FADS6: variants seen among roughly 807,000 people sequenced by gnomAD.
FADS6 encodes fatty acid desaturase 6.
A neutral mutation model predicts 31.7 loss-of-function variants in FADS6; 28 were observed. That is an observed-to-expected ratio of 0.88 (90% CI 0.66 to 1.21). The LOEUF (loss-of-function observed/expected upper bound fraction) is 1.21. Ranked by LOEUF, FADS6 falls within the 50% of genes most tolerant of loss-of-function variation. The pLI is 0.00. For synonymous variants in FADS6, 191 were observed against 213.1 expected, an observed-to-expected ratio of 0.90 and a Z score of 0.90; for missense variants, 494 against 504.2, an observed-to-expected ratio of 0.98 and a Z score of 0.19.
In FADS6 at chr17:74,878,407, C is replaced by T. The variant is rs894196807; in HGVS notation, c.1031G>A (p.Arg344His). Residue 344 changes from arginine (R) to histidine (H), a missense_variant, in exon 6 of 6, where the codon CGC (arginine) becomes CAC (histidine). By Grantham distance (29) the Arg-to-His change is conservative. This residue lies in a region of FADS6 where 454 missense variants were observed against 438.5 expected (regional missense o/e 1.04). Coordinates refer to ENST00000612771, the MANE Select transcript of FADS6 (RefSeq NM_178128.6). ...ATAGCGACGGAGAAACAGCTGGAAGCGAGCCAGGTATGAGTCCTCGTTGTA... is the reference window on the plus strand; with the variant it reads ...ATAGCGACGGAGAAACAGCTGGAAGTGAGCCAGGTATGAGTCCTCGTTGTA... ...LPYNEDSYLA[R>H]FQLFLRRYEE... The T allele has an allele frequency of 4.3e-6, 7 of 1,613,888 alleles. No homozygotes were observed. The highest frequency in any genetic ancestry group is 2.7e-5 in the African/African-American group (2 of 74,946).
intron 3 of FADS6, among the ~76,000 whole-genome samples, chr17:74,882,103 T>C (rs2038576623): frequency 6.6e-6 from 1 of 152,092 alleles, no homozygotes; most frequent in African/African-American, 2.4e-5. Flanking sequence ...GCCCAGCTAA[T>C]TTTTTGTATT....
intron 5 of FADS6, chr17:74,879,038 CTTTTT>C (rs35990330): frequency 1.4e-3 from 180 of 129,806 alleles, no homozygotes; most frequent in Middle Eastern, 9.7e-3. Flanking sequence ...CCCTCACCAC[CTTTTT>C]TTTTTTTTTT....
intron 2 of FADS6, among the ~76,000 whole-genome samples, chr17:74,886,750 G>T (rs2038627824): frequency 1.3e-5 from 2 of 152,040 alleles, no homozygotes; most frequent in Non-Finnish European, 2.9e-5. Flanking sequence ...CCTCTCCAGG[G>T]TCCCCATTGG....
chr17:74,888,161 C>CGG (rs1175111727), intron 2 of FADS6, among the ~76,000 whole-genome samples: 5 of 108,764 alleles, frequency 4.6e-5, no homozygotes, highest in Admixed American at 8.3e-5. Context: ...CACACGCGCG[C>CGG]GCGCGCGCGC....
chr17:74,880,682 A>G (rs2038557905), intron 4 of FADS6, among the ~76,000 whole-genome samples: 1 of 152,068 alleles, frequency 6.6e-6, no homozygotes, highest in South Asian at 2.1e-4. Context: ...AACTCGAATG[A>G]TCCTCAGAGC....
chr17:74,889,777 G>A (rs531381689), intron 2 of FADS6, among the ~76,000 whole-genome samples: 42 of 140,538 alleles, frequency 3.0e-4, no homozygotes, highest in Middle Eastern at 4.0e-3. Flanking sequence ...AGGCTGAGGC[G>A]GGAGAATCAC....
intron 1 of FADS6, among the ~76,000 whole-genome samples, chr17:74,892,910 T>C (rs368572197): frequency 1.3e-5 from 2 of 152,228 alleles, no homozygotes; most frequent in South Asian, 4.1e-4. Context: ...CTCCAGTGCG[T>C]GGTCCTGGGC....
chr17:74,882,869 CT>C (rs1303479745), intron 2 of FADS6, 159 bp from the exon 3 acceptor site: 1 of 1,497,762 alleles, frequency 6.7e-7, no homozygotes, highest in Non-Finnish European at 8.9e-7. Context: ...TGACCATCAA[CT>C]CTCAGGTATC....
Position 74,878,307 on chromosome 17 carries a change from G to A in FADS6, c.*24C>T. On this transcript the variant is annotated 3_prime_UTR_variant, in exon 6 of 6. Transcript: ENST00000612771. ...CCAGGGCCAGGCCAGGGAGGGGCAG[G>A]GTGGCTGCACCGGCCCGGCCTCATT... 6.2e-7 allele frequency: 1 copy of A among 1,604,244 alleles called. No individual in the cohort carries two copies. Among genetic ancestry groups the A allele is most frequent in the South Asian group, 1.1e-5 (1 of 89,762 alleles).
At chr17:74,888,784 T>C (rs1230728217) in intron 2 of FADS6, among the ~76,000 whole-genome samples, 1 of 152,156 alleles carries the variant, frequency 6.6e-6, no homozygotes, top group African/African-American at 2.4e-5. Flanking sequence ...AGGAGAGTCC[T>C]TTCAGGAGTT....
intron 2 of FADS6, among the ~76,000 whole-genome samples, chr17:74,886,356 A>C (rs2038623064): frequency 6.9e-6 from 1 of 144,592 alleles, no homozygotes; most frequent in African/African-American, 2.6e-5. Flanking sequence ...GCTACTTGGG[A>C]GGCTGAGGTA....
intron 2 of FADS6, among the ~76,000 whole-genome samples, chr17:74,886,015 G>C (rs973254702): frequency 6.6e-6 from 1 of 152,018 alleles, no homozygotes; most frequent in Non-Finnish European, 1.5e-5. Flanking sequence ...CGAGGCGGGC[G>C]GATCACGAGA....
chr17:74,889,979 G>T (rs2038671043), intron 2 of FADS6, among the ~76,000 whole-genome samples: 1 of 152,036 alleles, frequency 6.6e-6, no homozygotes, highest in African/African-American at 2.4e-5. Flanking sequence ...TACTGGTGGA[G>T]GGTGTCAGGA....
At chr17:74,875,476 G>A (rs181209017), downstream of FADS6, among the ~76,000 whole-genome samples, 1 of 152,280 alleles carries the variant, frequency 6.6e-6, no homozygotes, top group East Asian at 1.9e-4. Flanking sequence ...AAGTGAAACA[G>A]AAAATGGAGC....
chr17:74,889,489 C>T (rs941055431), intron 2 of FADS6, among the ~76,000 whole-genome samples: 7 of 147,376 alleles, frequency 4.7e-5, no homozygotes, highest in African/African-American at 1.5e-4. Context: ...CAGCACCCAA[C>T]GCCCCAACAT....
At chr17:74,876,668 G>T (rs1047631621), downstream of FADS6, among the ~76,000 whole-genome samples, 8 of 152,112 alleles carry the variant, frequency 5.3e-5, no homozygotes, top group Non-Finnish European at 1.5e-5. Context: ...ATGGTGGCAG[G>T]CTCCTGTAGT....
In FADS6 at chr17:74,892,998, C is replaced by A. The variant is rs1432832677; in HGVS notation, c.245-309G>T. On this transcript the variant is annotated intron_variant, in intron 1 of 5. Transcript: ENST00000612771. ...GAAGGGTCCAGGGGAAACTCCCACC[C>A]CCTCCCCACTCACCTAGGTCCCCAA... Among the ~76,000 whole-genome samples, 6 of 152,244 alleles carry A rather than the reference C, an allele frequency of 3.9e-5. 1 individual carries two copies. The East Asian group carries it at 1.2e-3, about 29-fold the overall frequency.
At chr17:74,878,592 T>A in intron 5 of FADS6, 115 bp from the exon 6 acceptor site, 5 of 1,286,242 alleles carry the variant, frequency 3.9e-6, no homozygotes, top group Non-Finnish European at 5.4e-6. Flanking sequence ...TCGGCCTTGT[T>A]CCAAGATTCT....
At chr17:74,889,553 AAAAC>A (rs780024511) in intron 2 of FADS6, among the ~76,000 whole-genome samples, 156 of 151,762 alleles carry the variant, frequency 1.0e-3, no homozygotes, top group Middle Eastern at 6.8e-3. Flanking sequence ...CAACAAAAAC[AAAAC>A]AAACAAACAA....
Sources: gnomAD v4.1 joint callset for allele counts (sites outside exome capture counted in the v4.1 genomes callset) on GRCh38, gnomAD v4.1.1 for gene constraint, gnomAD v4.1.1 regional missense constraint, MANE v1.5 for transcripts, NCBI Gene and HGNC (gene_info 2026-07-23, HGNC 2026-07-21) for gene names.